Variants in PLCB1 observed in about 807,000 individuals in gnomAD.
PLCB1 encodes 1-phosphatidylinositol 4,5-bisphosphate phosphodiesterase beta-1.
A neutral mutation model predicts 161.8 loss-of-function variants in PLCB1; 46 were observed. The observed-to-expected ratio is 0.28, with a 90% CI of 0.22 to 0.36. PLCB1 has a LOEUF of 0.36. PLCB1 is among the 10% of genes least tolerant of loss of function. The pLI, the probability that PLCB1 is intolerant of heterozygous loss-of-function variation, is 1.00. For synonymous variants in PLCB1, 517 were observed against 503.7 expected (o/e 1.03, Z -0.35); for missense variants, 1,016 against 1,472.5 (o/e 0.69, Z 5.07).
intron 3 of PLCB1, among the ~76,000 whole-genome samples, chr20:8,609,388 G>A (rs1426269131): frequency 6.6e-6 from 1 of 152,194 alleles, no homozygotes; most frequent in African/African-American, 2.4e-5. Flanking sequence ...GCACTTGGAT[G>A]AGGCAAGAAT....
chr20:8,766,685 C>G (rs955743322), intron 26 of PLCB1, among the ~76,000 whole-genome samples: 1 of 152,190 alleles, frequency 6.6e-6, no homozygotes, highest in African/African-American at 2.4e-5. Flanking sequence ...AGTCTCAGAG[C>G]AATGACTCTA....
rs143287266 is a variant in PLCB1 at position 8,866,475 on chromosome 20, G to A, written c.3424-15147G>A. 4.7e-3 allele frequency among the ~76,000 whole-genome samples: 716 copies of A among 152,252 alleles called. 4 individuals are homozygous for A. The highest frequency in any genetic ancestry group is 0.017 in the African/African-American group (689 of 41,534). On this transcript the variant is annotated intron_variant, in intron 31 of 31. Transcript: ENST00000338037. ...ATGGAATACATTACCCAAATACTCC[G>A]GAAGTTGCAAATCGACCTGCATGGT...
At chr20:8,544,409 A>T (rs779345588) in intron 3 of PLCB1, among the ~76,000 whole-genome samples, 7 of 152,196 alleles carry the variant, frequency 4.6e-5, no homozygotes, top group Non-Finnish European at 1.0e-4. Flanking sequence ...TATGAGATAG[A>T]TTCTATTTTT....
chr20:8,534,525 C>G (rs1296920720), intron 3 of PLCB1, among the ~76,000 whole-genome samples: 1 of 152,100 alleles, frequency 6.6e-6, no homozygotes, highest in African/African-American at 2.4e-5. Context: ...TCCTTAAGGG[C>G]ATAGGCTGTT....
intron 2 of PLCB1, among the ~76,000 whole-genome samples, chr20:8,183,230 C>T (rs6055606): frequency 0.31 from 47,699 of 152,054 alleles, 9,686 homozygotes; most frequent in African/African-American, 0.58. Context: ...CCTGGTTCTT[C>T]CTTTAACTAG....
At chr20:8,655,444 G>T (rs967529231) in intron 7 of PLCB1, among the ~76,000 whole-genome samples, 5 of 152,058 alleles carry the variant, frequency 3.3e-5, no homozygotes, top group African/African-American at 1.2e-4. Context: ...GAATTGTATA[G>T]CTGGGAGCAC....
chr20:8,617,136 T>C (rs1988059024), intron 3 of PLCB1, among the ~76,000 whole-genome samples: 1 of 152,186 alleles, frequency 6.6e-6, no homozygotes, highest in Non-Finnish European at 1.5e-5. Context: ...AGAGTCATCC[T>C]TCTACTAAGT....
chr20:8,533,360 T>G (rs6417665), intron 3 of PLCB1, among the ~76,000 whole-genome samples: 32,227 of 147,756 alleles, frequency 0.22, 4,117 homozygotes, highest in African/African-American at 0.36. Context: ...ATGATTTATA[T>G]TCCTTTGGGT....
At chr20:8,793,712 CA>C in intron 31 of PLCB1, among the ~76,000 whole-genome samples, 1 of 152,106 alleles carries the variant, frequency 6.6e-6, no homozygotes, top group African/African-American at 2.4e-5. Flanking sequence ...AGGACCGAGG[CA>C]AAATTAAAAT....
At chr20:8,670,078 T>C (rs1403850870) in intron 9 of PLCB1, among the ~76,000 whole-genome samples, 1 of 152,210 alleles carries the variant, frequency 6.6e-6, no homozygotes, top group Non-Finnish European at 1.5e-5. Flanking sequence ...TGAGAACCTC[T>C]AATTTTAAAT....
At chr20:8,151,208 A>G (rs2051504535) in intron 2 of PLCB1, among the ~76,000 whole-genome samples, 2 of 152,310 alleles carry the variant, frequency 1.3e-5, no homozygotes, top group South Asian at 4.1e-4. Context: ...ACTGAAAACA[A>G]TAGAATAGTA....
intron 3 of PLCB1, among the ~76,000 whole-genome samples, chr20:8,483,009 G>A (rs549583783): frequency 1.3e-4 from 19 of 151,970 alleles, no homozygotes; most frequent in East Asian, 5.8e-4. Flanking sequence ...TTCTCTCCAA[G>A]TGCCTGAAAT....
chr20:8,190,820 A>G (rs928566513), intron 2 of PLCB1, among the ~76,000 whole-genome samples: 4 of 152,108 alleles, frequency 2.6e-5, no homozygotes, highest in Non-Finnish European at 5.9e-5. Context: ...GGTGCAGTTC[A>G]CTCAAGGTCA....
chr20:8,553,817 G>A (rs192414863), intron 3 of PLCB1, among the ~76,000 whole-genome samples: 26 of 151,972 alleles, frequency 1.7e-4, no homozygotes, highest in Admixed American at 4.6e-4. Context: ...CCTAGCCAAC[G>A]TGGTGAAACC....
At chr20:8,672,840 G>A (rs749203395) in intron 9 of PLCB1, among the ~76,000 whole-genome samples, 2 of 152,018 alleles carry the variant, frequency 1.3e-5, no homozygotes, top group Non-Finnish European at 2.9e-5. Context: ...AGCTGGGCAC[G>A]GTGGCTCACA....
intron 3 of PLCB1, among the ~76,000 whole-genome samples, chr20:8,522,663 C>T (rs1005161327): frequency 2.6e-5 from 4 of 152,094 alleles, no homozygotes; most frequent in African/African-American, 9.7e-5. Flanking sequence ...AATTGGAAAA[C>T]AAGGCATTGA....
At chr20:8,589,716 A>G (rs139626117) in intron 3 of PLCB1, among the ~76,000 whole-genome samples, 1 of 150,708 alleles carries the variant, frequency 6.6e-6, no homozygotes, top group Admixed American at 6.7e-5. Context: ...TCTGGGCTCA[A>G]GCAATCCTCC....
intron 3 of PLCB1, among the ~76,000 whole-genome samples, chr20:8,571,016 A>G (rs1288142297): frequency 6.6e-6 from 1 of 152,184 alleles, no homozygotes; most frequent in Non-Finnish European, 1.5e-5. Context: ...GCCATGGTGT[A>G]TGAAAAGTGG....
intron 2 of PLCB1, among the ~76,000 whole-genome samples, chr20:8,261,520 A>G (rs1258622730): frequency 6.6e-6 from 1 of 152,158 alleles, no homozygotes; most frequent in Non-Finnish European, 1.5e-5. Context: ...GTCGAGCCTT[A>G]TGAAGAGAAG....
Sources: gnomAD v4.1 joint callset for allele counts (sites outside exome capture counted in the v4.1 genomes callset) on GRCh38, gnomAD v4.1.1 for gene constraint, MANE v1.5 for transcripts, NCBI Gene and HGNC (gene_info 2026-07-23, HGNC 2026-07-21) for gene names.